The following ZNF91 variants were observed in gnomAD, a reference collection of about 807,000 sequenced individuals.
ZNF91 encodes zinc finger protein 91.
Under a neutral mutation model 12.6 loss-of-function variants are expected in ZNF91, and 7 were observed. That is an observed-to-expected ratio of 0.55 (90% confidence interval 0.31 to 1.04). The LOEUF (loss-of-function observed/expected upper bound fraction) is 1.04, where lower values mean the gene tolerates loss of function less well. Among genes scored for constraint, ZNF91 ranks in the 50% least tolerant of loss-of-function variants. The pLI, the probability that ZNF91 is intolerant of heterozygous loss-of-function variation, is 0.05. For missense variants in ZNF91, 1,217 were observed against 1,385.4 expected (o/e 0.88, Z 1.93); for synonymous variants, 453 against 462.6 (o/e 0.98, Z 0.27).
At chr19:23,368,067 G>A (rs539047849) in intron 3 of ZNF91, among the ~76,000 whole-genome samples, 378 of 152,044 alleles carry the variant, frequency 2.5e-3, no homozygotes, top group Middle Eastern at 0.024. Flanking sequence ...CGGGCACAGC[G>A]TCTGGCTAAT....
intron 3 of ZNF91, among the ~76,000 whole-genome samples, chr19:23,348,178 A>C (rs1968276199): frequency 1.3e-5 from 2 of 151,794 alleles, no homozygotes; most frequent in South Asian, 4.2e-4. Flanking sequence ...GTAACCCTCC[A>C]GTGGTGGACA....
chr19:23,323,413 CCTA>C (rs1380222414), intron 1 of ZNF91, among the ~76,000 whole-genome samples: 2 of 148,034 alleles, frequency 1.4e-5, no homozygotes, highest in Non-Finnish European at 3.0e-5. Context: ...TTTCTTTGTT[CCTA>C]CTTTCCTCCT....
At chr19:23,336,467 C>G (rs1968009721), downstream of ZNF91, among the ~76,000 whole-genome samples, 1 of 152,190 alleles carries the variant, frequency 6.6e-6, no homozygotes, top group Non-Finnish European at 1.5e-5. Context: ...TTCAATTATG[C>G]AAATGGAGCA....
At chr19:23,383,062 C>T (rs1340756789) in intron 1 of ZNF91, among the ~76,000 whole-genome samples, 1 of 152,164 alleles carries the variant, frequency 6.6e-6, no homozygotes, top group Non-Finnish European at 1.5e-5. Context: ...AAATTCAGGC[C>T]AGTATCTTTG....
At chr19:23,355,791 C>G (rs1372305953), downstream of ZNF91, among the ~76,000 whole-genome samples, 1 of 151,974 alleles carries the variant, frequency 6.6e-6, no homozygotes. Flanking sequence ...ACAACAAACT[C>G]AAGCAAATCA....
At chr19:23,312,809 G>A (rs140768836), upstream of ZNF91, among the ~76,000 whole-genome samples, 6 of 152,294 alleles carry the variant, frequency 3.9e-5, no homozygotes, top group Admixed American at 2.6e-4. Flanking sequence ...AAGCCCTAGG[G>A]TGATACATAG....
At chr19:23,337,477 A>C (rs1968036845), downstream of ZNF91, among the ~76,000 whole-genome samples, 1 of 151,770 alleles carries the variant, frequency 6.6e-6, no homozygotes, top group South Asian at 2.1e-4. Context: ...ACTTCAAAAA[A>C]AAAAAAAAAC....
rs1441295258 is a variant in ZNF91, at chr19:23,361,802, G to C, written c.1177C>G (p.Leu393Val). 16 of 1,609,176 alleles carry C rather than the reference G, an allele frequency of 9.9e-6. No homozygotes were observed. The highest frequency in any genetic ancestry group is 1.3e-5 in the African/African-American group (1 of 74,530). ...CDKAFKRLST[L>V]TKHKIIHAGE... ...GCATGTATTATTTTATGTTTAGTAA[G>C]GGTTGAGAGTCGCTTAAAAGCTTTG... The change falls in exon 4 of 4, where the codon CTT (leucine) becomes GTT (valine). Residue 393 changes from leucine to valine, a missense_variant. Leu to Val is a conservative substitution (Grantham distance 32). Transcript: ENST00000300619.
chr19:23,336,735 CCTCA>C (rs796592326), downstream of ZNF91, among the ~76,000 whole-genome samples: 27 of 152,046 alleles, frequency 1.8e-4, no homozygotes, highest in African/African-American at 6.0e-4. Context: ...CTGTTTTTGC[CCTCA>C]CTCACTATCT....
Position 23,359,068 on chromosome 19 carries a change from GT to G in ZNF91, c.*334del. 1.8e-6 allele frequency: 1 copy of G among 554,430 alleles called. No individual in the cohort carries two copies. The highest frequency in any genetic ancestry group is 3.5e-6 in the Non-Finnish European group (1 of 288,348). 34.3% of individuals were successfully genotyped at this position (554,430 alleles called of 1,614,324 possible). The stretch of plus-strand genomic sequence containing the variant: ...TCCAGTATGAATTTTCTTATGTCTG[GT>G]TAGGGCTGAGGACCAGAAAAAGGAT... On this transcript the variant is annotated 3_prime_UTR_variant, in exon 4 of 4. Coordinates refer to ENST00000300619, the MANE Select transcript of ZNF91 (RefSeq NM_003430.4).
chr19:23,385,074 A>T lies in ZNF91; in HGVS notation c.30+10251T>A, dbSNP rs1330607898. 3 of 1,018,410 alleles carry T rather than the reference A, an allele frequency of 2.9e-6. No homozygotes were observed. In the African/African-American group the frequency reaches 4.7e-5, roughly 16 times the overall value. 63.1% of individuals were successfully genotyped at this position (1,018,410 alleles called of 1,614,324 possible). On this transcript the variant is annotated intron_variant, in intron 1 of 3. Transcript: ENST00000300619. ...CCAGCGGTTCCGCATCTCAGTCCAG[A>T]CAGGGCAGGGACAGCCACTCCTCCA...
rs1968694296 is a variant in ZNF91 at position 23,360,529 on chromosome 19, T to A, written c.2450A>T (p.Lys817Met). The A allele has an allele frequency of 1.9e-6, 3 of 1,613,954 alleles. No homozygotes were observed. Among genetic ancestry groups the A allele is most frequent in the Non-Finnish European group, 2.5e-6 (3 of 1,179,960 alleles). Residue 817 changes from lysine to methionine, a missense_variant, in exon 4 of 4, where the codon AAG becomes ATG. Coordinates refer to ENST00000300619, the MANE Select transcript of ZNF91 (RefSeq NM_003430.4). The part of the protein sequence containing the change: ...FSRSSTLTKH[K>M]TIHTGEKPYK... ...GGGTTTCTCTCCAGTATGAATTGTC[T>A]TATGCTTAGTAAGGGTTGAGGAACG...
At chr19:23,342,245 C>T (rs1968140187) in intron 3 of ZNF91, 2 of 518,086 alleles carry the variant, frequency 3.9e-6, no homozygotes, top group African/African-American at 1.9e-5. Flanking sequence ...GATATCAGAT[C>T]AGAGTTAGAG....
chr19:23,367,916 T>G (rs1420922110), intron 3 of ZNF91, among the ~76,000 whole-genome samples: 2 of 152,088 alleles, frequency 1.3e-5, no homozygotes, highest in Non-Finnish European at 2.9e-5. Context: ...GCTGTTTTGT[T>G]ATTGTTGTTT....
At chr19:23,323,092 C>T (rs1220784550) in intron 1 of ZNF91, among the ~76,000 whole-genome samples, 2 of 148,234 alleles carry the variant, frequency 1.3e-5, no homozygotes. Context: ...TCTTCCTCCT[C>T]CCCTCCCCTT....
chr19:23,390,712 C>T (rs573550789), intron 1 of ZNF91, among the ~76,000 whole-genome samples: 1 of 151,942 alleles, frequency 6.6e-6, no homozygotes, highest in South Asian at 2.1e-4. Flanking sequence ...AGGCGTGTGC[C>T]ACCATGCCTA....
chr19:23,392,918 C>T (rs1161659927), intron 1 of ZNF91, among the ~76,000 whole-genome samples: 1 of 152,144 alleles, frequency 6.6e-6, no homozygotes, highest in Non-Finnish European at 1.5e-5. Flanking sequence ...ATTGTCCCAT[C>T]CCATCCTGCT....
At chr19:23,341,736 T>C (rs1230751591) in intron 3 of ZNF91, among the ~76,000 whole-genome samples, 3 of 152,160 alleles carry the variant, frequency 2.0e-5, no homozygotes, top group Non-Finnish European at 2.9e-5. Flanking sequence ...AGAAGTAACA[T>C]CTGTCATTCA....
intron 1 of ZNF91, among the ~76,000 whole-genome samples, chr19:23,389,918 T>C (rs535675846): frequency 6.4e-4 from 97 of 152,320 alleles, no homozygotes; most frequent in Middle Eastern, 3.4e-3. Flanking sequence ...AGATACTGTT[T>C]AGAAACTGGG....
Sources: gnomAD v4.1 joint callset for allele counts (sites outside exome capture counted in the v4.1 genomes callset) on GRCh38, gnomAD v4.1.1 for gene constraint, MANE v1.5 for transcripts, NCBI Gene and HGNC (gene_info 2026-07-23, HGNC 2026-07-21) for gene names.